Variants in ZHX3 observed in about 807,000 individuals in gnomAD.
The protein encoded by ZHX3 is zinc fingers and homeoboxes 3, also known as zinc fingers and homeoboxes protein 3.
In ZHX3, 20 loss-of-function variants were observed where a neutral mutation model predicts 64.5. The ratio of observed to expected loss-of-function variants is 0.31; its 90% CI spans 0.22 to 0.45. The LOEUF (loss-of-function observed/expected upper bound fraction) is 0.45. Among genes scored for constraint, ZHX3 ranks in the 20% least tolerant of loss-of-function variants. The pLI, the probability that ZHX3 is intolerant of heterozygous loss-of-function variation, is 1.00. For synonymous variants in ZHX3, 423 were observed against 461.6 expected, an observed-to-expected ratio of 0.92 and a Z score of 1.07; for missense variants, 1,041 against 1,195.8, an observed-to-expected ratio of 0.87 and a Z score of 1.91.
rs147503142 is a variant in ZHX3 at position 41,231,547 on chromosome 20, C to T, written c.-150-26481G>A. On this transcript the variant is annotated intron_variant, in intron 2 of 3. Coordinates refer to ENST00000683867, the MANE Select transcript of ZHX3 (RefSeq NM_001384317.1). The stretch of plus-strand genomic sequence containing the variant: ...ACTGTACCTAAATCATTTTTTATAG[C>T]ACATTCTACCTTATAATTTTTTTGT... 7.7e-3 allele frequency among the ~76,000 whole-genome samples: 1,170 copies of T among 152,268 alleles called. 6 individuals are homozygous for T. The highest frequency in any genetic ancestry group is 9.2e-3 in the Non-Finnish European group (629 of 68,014).
At chr20:41,273,398 G>A (rs1210843868) in intron 1 of ZHX3, among the ~76,000 whole-genome samples, 2 of 152,004 alleles carry the variant, frequency 1.3e-5, no homozygotes, top group African/African-American at 2.4e-5. Context: ...TTTTTCTTTC[G>A]TTGCTTGTGC....
intron 3 of ZHX3, among the ~76,000 whole-genome samples, chr20:41,197,388 T>A (rs1485126264): frequency 1.4e-5 from 2 of 147,236 alleles, no homozygotes; most frequent in African/African-American, 2.5e-5. Flanking sequence ...GTATATATTT[T>A]AAATATATTT....
chr20:41,211,354 GTAAA>G, intron 2 of ZHX3, among the ~76,000 whole-genome samples: 1 of 152,200 alleles, frequency 6.6e-6, no homozygotes, highest in Non-Finnish European at 1.5e-5. Flanking sequence ...CAAATTCTCA[GTAAA>G]TAAACACGGC....
intron 3 of ZHX3, among the ~76,000 whole-genome samples, chr20:41,198,086 G>A (rs2146203516): frequency 6.9e-6 from 1 of 145,096 alleles, no homozygotes; most frequent in East Asian, 2.1e-4. Flanking sequence ...CTCACTGCAA[G>A]CTCTGCCTCC....
At chr20:41,314,812 G>C (rs1397826815) in intron 1 of ZHX3, among the ~76,000 whole-genome samples, 1 of 152,164 alleles carries the variant, frequency 6.6e-6, no homozygotes, top group African/African-American at 2.4e-5. Flanking sequence ...CTACCAGCAA[G>C]GTCATATGAA....
rs759025096 is a variant in ZHX3, at chr20:41,219,402, C to CCACT, written c.-150-14340_-150-14337dup. Among the ~76,000 whole-genome samples the CCACT allele has an allele frequency of 7.9e-5, 12 of 152,174 alleles. No individual in the cohort carries two copies. Among genetic ancestry groups the CCACT allele is most frequent in the Non-Finnish European group, 1.8e-4 (12 of 68,030 alleles). Reference sequence around the variant, plus strand: ...AGACTTTAGAGATCATATATTCTAACCACTCACCTTTGCATGAATTTTACC... The same window carrying CCACT: ...AGACTTTAGAGATCATATATTCTAACCACTCACTCACCTTTGCATGAATTTTACC... On this transcript the variant is annotated intron_variant, in intron 2 of 3. Coordinates refer to ENST00000683867, the MANE Select transcript of ZHX3 (RefSeq NM_001384317.1). The surrounding 1 kb of genome is among the most constrained non-coding windows in gnomAD (Gnocchi z 5.0).
chr20:41,292,005 C>T (rs2044268315), intron 1 of ZHX3, among the ~76,000 whole-genome samples: 3 of 115,702 alleles, frequency 2.6e-5, no homozygotes, highest in Admixed American at 2.0e-4. Context: ...ACAGCAAGAC[C>T]TCATCTTTAA....
chr20:41,198,790 T>C (rs2146207149), intron 3 of ZHX3, among the ~76,000 whole-genome samples: 1 of 152,252 alleles, frequency 6.6e-6, no homozygotes. Flanking sequence ...CTGTCCCTTT[T>C]CTTTTTCTGC....
intron 3 of ZHX3, among the ~76,000 whole-genome samples, chr20:41,187,191 G>T (rs533627571): frequency 6.6e-6 from 1 of 151,820 alleles, no homozygotes; most frequent in South Asian, 2.1e-4. Context: ...AATAAAATTA[G>T]CCAGGTGTGC....
chr20:41,203,595 G>C lies in ZHX3; in HGVS notation c.1322C>G (p.Ser441Cys). 6.2e-7 allele frequency: 1 copy of C among 1,614,244 alleles called. No homozygotes were observed. The highest frequency in any genetic ancestry group is 1.1e-5 in the South Asian group (1 of 91,082). Residue 441 changes from serine to cysteine, a missense_variant, in exon 3 of 4, where the codon TCC becomes TGC. Around this residue, in one of 4 missense-constraint regions of ZHX3, gnomAD observed 649 missense variants for 739.8 expected, o/e 0.88. Coordinates refer to ENST00000683867, the MANE Select transcript of ZHX3 (RefSeq NM_001384317.1). This position sits in a 1 kb window ranked among gnomAD's most constrained non-coding sequence, Gnocchi z 7.1. ...LMANGLQATSSPLPLTVTSVP... is the reference protein window; with the variant it reads ...LMANGLQATSCPLPLTVTSVP... ...GGATGTCACCGTGAGGGGGAGAGGG[G>C]AACTTGTTGCTTGCAACCCATTGGC... is the stretch of plus-strand genomic sequence containing the variant.
At chr20:41,256,534 C>G (rs1206308235) in intron 2 of ZHX3, among the ~76,000 whole-genome samples, 1 of 151,560 alleles carries the variant, frequency 6.6e-6, no homozygotes, top group Non-Finnish European at 1.5e-5. Context: ...TTACCCAGAG[C>G]TGTCCTATCT....
intron 1 of ZHX3, among the ~76,000 whole-genome samples, chr20:41,311,800 G>A (rs567781728): frequency 7.2e-5 from 11 of 152,322 alleles, no homozygotes; most frequent in African/African-American, 2.6e-4. Context: ...TTCTCCCGAA[G>A]ATTTAGAGAT....
At chr20:41,295,901 G>A (rs1176237851) in intron 1 of ZHX3, among the ~76,000 whole-genome samples, 1 of 151,930 alleles carries the variant, frequency 6.6e-6, no homozygotes, top group Admixed American at 6.6e-5. Flanking sequence ...CATTACAAGT[G>A]TAAGAATTTG....
chr20:41,256,541 A>G lies in ZHX3; in HGVS notation c.-151+12449T>C, dbSNP rs6029592. 6.0e-5 allele frequency among the ~76,000 whole-genome samples: 9 copies of G among 150,782 alleles called. 1 individual carries two copies. The highest frequency in any genetic ancestry group is 5.8e-4 in the East Asian group (3 of 5,158). On this transcript the variant is annotated intron_variant, in intron 2 of 3. Transcript: ENST00000683867. The stretch of plus-strand genomic sequence containing the variant: ...CCCGTAATTTACCCAGAGCTGTCCT[A>G]TCTTAATATCAAAGCATCTAGGAAA...
intron 2 of ZHX3, among the ~76,000 whole-genome samples, chr20:41,206,704 A>C (rs1025609340): frequency 2.6e-5 from 4 of 152,240 alleles, no homozygotes; most frequent in Non-Finnish European, 2.9e-5. Flanking sequence ...GGGAGAATGG[A>C]ACCAAGTTGG....
rs1181202959 is a variant in ZHX3, at chr20:41,200,482, A to C, written c.2860+1575T>G. Among the ~76,000 whole-genome samples, 1 of 152,084 alleles carries C rather than the reference A, an allele frequency of 6.6e-6. No individual in the cohort carries two copies. Among genetic ancestry groups the C allele is most frequent in the African/African-American group, 2.4e-5 (1 of 41,400 alleles). On this transcript the variant is annotated intron_variant, in intron 3 of 3. Transcript: ENST00000683867. The surrounding 1 kb of genome is among the most constrained non-coding windows in gnomAD (Gnocchi z 4.2). ...TAAAAAAGTTAAACTAGCCATAAAA[A>C]CCTGTTGTTCTGACTCCAGGGTGTG...
In ZHX3 at chr20:41,253,410, C is replaced by T. The variant is rs370072861; in HGVS notation, c.-151+15580G>A. Among the ~76,000 whole-genome samples the T allele has an allele frequency of 2.5e-4, 38 of 152,224 alleles. No homozygotes were observed. In the East Asian group the frequency reaches 4.6e-3, roughly 19 times the overall value. ...AAAAGTTCCAGGTGGTCTCCTGGTT[C>T]CATTTAATATTCCTACCTTGGTTTC... is the stretch of plus-strand genomic sequence containing the variant. On this transcript the variant is annotated intron_variant, in intron 2 of 3. Coordinates refer to ENST00000683867, the MANE Select transcript of ZHX3 (RefSeq NM_001384317.1).
chr20:41,181,417 C>T lies in ZHX3; in HGVS notation c.*3774G>A, dbSNP rs760424604. The T allele has an allele frequency of 4.6e-5, 7 of 152,160 alleles. No individual in the cohort carries two copies. The highest frequency in any genetic ancestry group is 8.8e-5 in the Non-Finnish European group (6 of 68,038). The allele number at this position is 152,160 out of a possible 1,614,324, so 9.4% of individuals were successfully genotyped here. A position where few individuals can be genotyped will look rare whatever the true frequency, so the allele number is the denominator to read the frequency against. On this transcript the variant is annotated 3_prime_UTR_variant, in exon 4 of 4. Coordinates refer to ENST00000683867, the MANE Select transcript of ZHX3 (RefSeq NM_001384317.1). ...AAGATGACTTTAGGAAAATCCTAAA[C>T]GAGGTTTGGTTTTAAAATTTTCTTC...
At chr20:41,236,468 A>T (rs1030864163) in intron 2 of ZHX3, among the ~76,000 whole-genome samples, 1 of 152,216 alleles carries the variant, frequency 6.6e-6, no homozygotes, top group Non-Finnish European at 1.5e-5. Context: ...ATAATGCCAC[A>T]TATCTACAAC....
Sources: gnomAD v4.1 joint callset for allele counts (sites outside exome capture counted in the v4.1 genomes callset) on GRCh38, gnomAD v4.1.1 for gene constraint, gnomAD v4.1.1 regional missense constraint, Gnocchi (gnomAD v3.1) non-coding constraint, MANE v1.5 for transcripts, NCBI Gene and HGNC (gene_info 2026-07-23, HGNC 2026-07-21) for gene names.